DDX31: variants seen among roughly 807,000 people sequenced by gnomAD.
DDX31 encodes DEAD-box helicase 31.
DDX31 carries 70 observed loss-of-function variants against 91.3 expected under a neutral mutation model. The ratio of observed to expected loss-of-function variants is 0.77; its 90% CI spans 0.63 to 0.94. The LOEUF is 0.94. Ranked by LOEUF, DDX31 falls within the 40% of genes least tolerant of loss-of-function variation. The probability of loss-of-function intolerance (pLI) is 0.00; values close to 1 mark genes in which losing one functional copy is unlikely to be tolerated. For missense variants in DDX31, 902 were observed against 925.0 expected, an observed-to-expected ratio of 0.98 and a Z score of 0.32; for synonymous variants, 362 against 350.6, an observed-to-expected ratio of 1.03 and a Z score of -0.36.
At chr9:132,626,113 G>T (rs565632279) in intron 16 of DDX31, among the ~76,000 whole-genome samples, 24 of 149,894 alleles carry the variant, frequency 1.6e-4, no homozygotes, top group Admixed American at 1.5e-3. Context: ...GAAGCATTTT[G>T]GTCTCTTTAG....
At chr9:132,612,635 C>T (rs1479930549) in intron 18 of DDX31, among the ~76,000 whole-genome samples, 1 of 152,152 alleles carries the variant, frequency 6.6e-6, no homozygotes, top group Non-Finnish European at 1.5e-5. Flanking sequence ...AAGAAATGAT[C>T]AACACAGGAC....
chr9:132,660,461 T>C (rs896065957), intron 4 of DDX31, among the ~76,000 whole-genome samples: 1 of 152,180 alleles, frequency 6.6e-6, no homozygotes, highest in Non-Finnish European at 1.5e-5. Context: ...TGGAAAGGTT[T>C]CCATGCAGGA....
At chr9:132,649,676 T>C (rs1014793846) in intron 9 of DDX31, among the ~76,000 whole-genome samples, 10 of 152,244 alleles carry the variant, frequency 6.6e-5, no homozygotes, top group African/African-American at 2.2e-4. Context: ...TCCTCAGTTA[T>C]AGACTACATG....
At position 132,648,184 on chromosome 9, in the gene DDX31, C is replaced by G; in HGVS notation, c.967+5G>C. ...AGAAGGACCCATCACTTCTTTTCAACTCACCTTCTGTGAGTGTCGCTGATA... is the reference window on the plus strand; with the variant it reads ...AGAAGGACCCATCACTTCTTTTCAAGTCACCTTCTGTGAGTGTCGCTGATA... On this transcript the variant is annotated splice_donor_5th_base_variant and intron_variant, in intron 11 of 19. Coordinates refer to ENST00000372159, the MANE Select transcript of DDX31 (RefSeq NM_022779.9). The G allele has an allele frequency of 6.2e-7, 1 of 1,608,476 alleles. No homozygotes were observed. The highest frequency in any genetic ancestry group is 8.5e-7 in the Non-Finnish European group (1 of 1,177,832).
intron 6 of DDX31, chr9:132,658,235 G>A (rs1256402007): frequency 4.3e-6 from 3 of 701,000 alleles, no homozygotes; most frequent in Non-Finnish European, 7.8e-6. Context: ...TAAGGAGCTT[G>A]GTCTCTGCAG....
At position 132,647,361 on chromosome 9, in the gene DDX31, G is replaced by A. The variant is rs185352240; in HGVS notation, c.968-303C>T. Among the ~76,000 whole-genome samples, 9 of 152,002 alleles carry A rather than the reference G, an allele frequency of 5.9e-5. No individual in the cohort carries two copies. The East Asian group carries it at 1.7e-3, about 29-fold the overall frequency. ...AGGGTTCTTTGGTCAAGTAAGTTATGGCAAATCTTGGATTTCAAAGGTTTC... is the reference window on the plus strand; with the variant it reads ...AGGGTTCTTTGGTCAAGTAAGTTATAGCAAATCTTGGATTTCAAAGGTTTC... On this transcript the variant is annotated intron_variant, in intron 11 of 19. Coordinates refer to ENST00000372159, the MANE Select transcript of DDX31 (RefSeq NM_022779.9).
chr9:132,630,016 C>G (rs897701955), intron 16 of DDX31, among the ~76,000 whole-genome samples: 2 of 152,192 alleles, frequency 1.3e-5, no homozygotes, highest in African/African-American at 4.8e-5. Context: ...AGAAACGAAA[C>G]GCAGCTCTCT....
chr9:132,611,224 C>T (rs1383028335), intron 19 of DDX31, among the ~76,000 whole-genome samples: 2 of 152,180 alleles, frequency 1.3e-5, no homozygotes, highest in African/African-American at 4.8e-5. Context: ...CCACAACGTT[C>T]TGGGATTGAA....
At chr9:132,630,926 C>T (rs543431792) in intron 15 of DDX31, among the ~76,000 whole-genome samples, 1 of 152,314 alleles carries the variant, frequency 6.6e-6, no homozygotes, top group South Asian at 2.1e-4. Flanking sequence ...AGGAGCTGGT[C>T]CCCACCAGCC....
chr9:132,628,395 G>A (rs1367149885), intron 16 of DDX31, among the ~76,000 whole-genome samples: 1 of 152,214 alleles, frequency 6.6e-6, no homozygotes, highest in African/African-American at 2.4e-5. Context: ...GATTAAAAAG[G>A]GAGTCACGTA....
intron 13 of DDX31, among the ~76,000 whole-genome samples, chr9:132,644,509 A>G (rs1477588661): frequency 6.6e-6 from 1 of 152,208 alleles, no homozygotes; most frequent in Non-Finnish European, 1.5e-5. Flanking sequence ...CAAGACCACA[A>G]GCAGGGTGCC....
intron 17 of DDX31, among the ~76,000 whole-genome samples, chr9:132,624,334 C>A (rs182067815): frequency 6.6e-6 from 1 of 152,098 alleles, no homozygotes; most frequent in Non-Finnish European, 1.5e-5. Context: ...CAGAGGCTTA[C>A]GAGTCTTATA....
rs1480118329 is a variant in DDX31, at chr9:132,648,217, A to G, written c.939T>C (p.Asn313=). Reference sequence around the variant, plus strand: ...CTGTGAGTGTCGCTGATAGCAAGACATTCTGTCGTTTTTGGCATTCAGCAT... The same window carrying G: ...CTGTGAGTGTCGCTGATAGCAAGACGTTCTGTCGTTTTTGGCATTCAGCAT... The part of the protein sequence containing the change: ...AVNAECQKRQ[N]VLLSATLTEG... Residue 313 remains asparagine (N), a synonymous_variant, in exon 11 of 20, where the codon AAT becomes AAC. Coordinates refer to ENST00000372159, the MANE Select transcript of DDX31 (RefSeq NM_022779.9). The G allele has an allele frequency of 2.0e-5, 32 of 1,613,930 alleles. No individual in the cohort carries two copies. Among genetic ancestry groups the G allele is most frequent in the Non-Finnish European group, 2.6e-5 (31 of 1,180,014 alleles).
At chr9:132,611,393 G>A (rs1831330241) in intron 19 of DDX31, among the ~76,000 whole-genome samples, 1 of 152,172 alleles carries the variant, frequency 6.6e-6, no homozygotes, top group African/African-American at 2.4e-5. Flanking sequence ...GCTGAGGCTG[G>A]TACTAAAAGA....
At chr9:132,626,306 A>C (rs950459749) in intron 16 of DDX31, among the ~76,000 whole-genome samples, 4 of 152,238 alleles carry the variant, frequency 2.6e-5, no homozygotes, top group African/African-American at 9.6e-5. Flanking sequence ...TGATGGGTGA[A>C]GACCAAAGGA....
intron 18 of DDX31, 177 bp from the exon 19 acceptor site, chr9:132,612,432 C>T (rs1051218950): frequency 1.6e-6 from 1 of 623,344 alleles, no homozygotes. Flanking sequence ...TCTTCAATTC[C>T]TAAACAACAA....
chr9:132,652,415 C>T (rs1203281947), intron 7 of DDX31, 33 bp downstream of exon 7: 3 of 1,613,884 alleles, frequency 1.9e-6, no homozygotes, highest in East Asian at 4.5e-5. Context: ...AAAGCATGTG[C>T]TTAAAACTTG....
Position 132,650,299 on chromosome 9 carries a change from C to G in DDX31, c.676-1G>C. ...CTCCAGGCACAATCCAGGTGAAAGG[C>G]TACAGAAAGACAGCAGACCACAGTC... On this transcript the variant is annotated splice_acceptor_variant, in intron 8 of 19. Coordinates refer to ENST00000372159, the MANE Select transcript of DDX31 (RefSeq NM_022779.9). LOFTEE classifies it high-confidence loss of function. The G allele has an allele frequency of 6.2e-7, 1 of 1,614,144 alleles. No homozygotes were observed.
chr9:132,646,635 CCT>C (rs1221010733), intron 12 of DDX31, among the ~76,000 whole-genome samples, 186 bp downstream of exon 12: 1 of 152,166 alleles, frequency 6.6e-6, no homozygotes, highest in East Asian at 1.9e-4. Context: ...CTATCATTGA[CCT>C]CTGAGTTTTT....
Sources: allele counts gnomAD v4.1 joint callset (sites outside exome capture counted in the v4.1 genomes callset), GRCh38; gene constraint gnomAD v4.1.1; transcripts MANE v1.5; gene names NCBI Gene and HGNC (gene_info 2026-07-23, HGNC 2026-07-21).